Variants in IMMP2L observed in about 807,000 individuals in gnomAD.
IMMP2L encodes mitochondrial inner membrane protease subunit 2.
Under a neutral mutation model 19.3 loss-of-function variants are expected in IMMP2L, and 18 were observed. The observed-to-expected ratio is 0.93, with a 90% CI of 0.64 to 1.38. IMMP2L has a LOEUF of 1.38. Ranked by LOEUF, IMMP2L falls within the 40% of genes most tolerant of loss-of-function variation. The probability of loss-of-function intolerance (pLI) is 0.00; values close to 1 mark genes in which losing one functional copy is unlikely to be tolerated. For synonymous variants in IMMP2L, 76 were observed against 73.0 expected (o/e 1.04, Z -0.21); for missense variants, 233 against 218.2 (o/e 1.07, Z -0.43).
chr7:110,867,567 A>G (rs1044483268), intron 5 of IMMP2L, among the ~76,000 whole-genome samples: 2 of 152,066 alleles, frequency 1.3e-5, no homozygotes, highest in Non-Finnish European at 2.9e-5. Context: ...AAGATGATAA[A>G]TAACATGACT....
chr7:111,295,025 C>G (rs1441852616), intron 3 of IMMP2L, among the ~76,000 whole-genome samples: 1 of 151,778 alleles, frequency 6.6e-6, no homozygotes, highest in Non-Finnish European at 1.5e-5. Context: ...CTGTTCGATA[C>G]AAGTTTTCTG....
At chr7:110,739,944 A>G (rs1796889282) in intron 5 of IMMP2L, among the ~76,000 whole-genome samples, 1 of 152,328 alleles carries the variant, frequency 6.6e-6, no homozygotes, top group African/African-American at 2.4e-5. Flanking sequence ...GAAATTAAAT[A>G]ACCTGCTCCA....
At chr7:111,072,328 G>A (rs567255435) in intron 3 of IMMP2L, among the ~76,000 whole-genome samples, 2 of 152,270 alleles carry the variant, frequency 1.3e-5, no homozygotes, top group African/African-American at 4.8e-5. Context: ...CTTAATACCA[G>A]AAAAAGTTCA....
chr7:110,824,655 A>C (rs1369216445), intron 5 of IMMP2L, among the ~76,000 whole-genome samples: 1 of 152,072 alleles, frequency 6.6e-6, no homozygotes, highest in Non-Finnish European at 1.5e-5. Flanking sequence ...GGGATGAACC[A>C]CCGCTCCCAG....
At chr7:110,918,135 G>A (rs986696263) in intron 4 of IMMP2L, among the ~76,000 whole-genome samples, 3 of 152,054 alleles carry the variant, frequency 2.0e-5, no homozygotes, top group Admixed American at 6.6e-5. Context: ...TTTCCTATTT[G>A]CTGTAGTTAT....
At position 111,436,557 on chromosome 7, in the gene IMMP2L, T is replaced by C. The variant is rs569022965; in HGVS notation, c.239+50681A>G. Among the ~76,000 whole-genome samples, 167 of 151,794 alleles carry C rather than the reference T, an allele frequency of 1.1e-3. 1 individual carries two copies. Among genetic ancestry groups the C allele is most frequent in the Middle Eastern group, 3.4e-3 (1 of 294 alleles). ...CACACACACCCCACACATATATGAA[T>C]ACTTTTTAAACATTTTTTCTCATTA... On this transcript the variant is annotated intron_variant, in intron 3 of 5. Coordinates refer to ENST00000405709, the MANE Select transcript of IMMP2L (RefSeq NM_032549.4).
chr7:110,706,767 T>G, intron 5 of IMMP2L, among the ~76,000 whole-genome samples: 1 of 152,278 alleles, frequency 6.6e-6, no homozygotes, highest in East Asian at 1.9e-4. Context: ...GTGCATAGGT[T>G]GTGAATATTT....
At chr7:111,540,909 T>A (rs1848456068) in intron 1 of IMMP2L, among the ~76,000 whole-genome samples, 2 of 152,124 alleles carry the variant, frequency 1.3e-5, no homozygotes, top group African/African-American at 4.8e-5. Flanking sequence ...AGCGGCCAGA[T>A]CAGGCTGTAT....
intron 4 of IMMP2L, among the ~76,000 whole-genome samples, chr7:110,916,182 G>A (rs1044940137): frequency 2.8e-4 from 42 of 152,178 alleles, no homozygotes; most frequent in Non-Finnish European, 5.4e-4. Context: ...GAAAGTAACA[G>A]GACACTGCAG....
chr7:110,993,033 A>C (rs1168593898), intron 3 of IMMP2L, among the ~76,000 whole-genome samples: 1 of 152,170 alleles, frequency 6.6e-6, no homozygotes, highest in Non-Finnish European at 1.5e-5. Context: ...ATCTTGTTAT[A>C]TGAAAACAAA....
chr7:110,770,665 A>C (rs1798974433), intron 5 of IMMP2L, among the ~76,000 whole-genome samples: 2 of 152,186 alleles, frequency 1.3e-5, no homozygotes, highest in Non-Finnish European at 2.9e-5. Context: ...ACAGGAAGGT[A>C]TCGAAGACTG....
intron 3 of IMMP2L, among the ~76,000 whole-genome samples, chr7:111,281,399 T>A (rs753920664): frequency 3.9e-5 from 6 of 152,056 alleles, no homozygotes; most frequent in Non-Finnish European, 8.8e-5. Context: ...ATACATAGGA[T>A]ACAGAGACTA....
At chr7:111,229,433 A>C (rs1017761006) in intron 3 of IMMP2L, among the ~76,000 whole-genome samples, 2 of 152,064 alleles carry the variant, frequency 1.3e-5, no homozygotes, top group Non-Finnish European at 2.9e-5. Flanking sequence ...TCAGGTGATC[A>C]AGGTAATTGC....
chr7:110,954,555 T>C (rs67759016), intron 4 of IMMP2L, among the ~76,000 whole-genome samples: 75,983 of 151,834 alleles, frequency 0.5, 19,823 homozygotes, highest in Non-Finnish European at 0.58. Flanking sequence ...CCAAATTATA[T>C]CCATTATTTC....
intron 3 of IMMP2L, among the ~76,000 whole-genome samples, chr7:111,208,322 C>T (rs551499054): frequency 5.3e-4 from 81 of 152,218 alleles, no homozygotes; most frequent in African/African-American, 1.7e-3. Context: ...GAAAAGGGAA[C>T]GGTGAAAGCA....
intron 3 of IMMP2L, among the ~76,000 whole-genome samples, chr7:111,286,442 CCACTCAGTAA>C (rs2130768880): frequency 6.6e-6 from 1 of 152,178 alleles, no homozygotes; most frequent in African/African-American, 2.4e-5. Context: ...CACCACACTA[CCACTCAGTAA>C]AAGCAATTCT....
intron 5 of IMMP2L, among the ~76,000 whole-genome samples, chr7:110,700,895 A>G (rs1794240009): frequency 2.0e-5 from 3 of 152,160 alleles, no homozygotes; most frequent in African/African-American, 4.8e-5. Context: ...TATGTGTTCA[A>G]TTTTGGGGAA....
At chr7:111,155,133 C>A (rs568416333) in intron 3 of IMMP2L, among the ~76,000 whole-genome samples, 1 of 152,150 alleles carries the variant, frequency 6.6e-6, no homozygotes, top group South Asian at 2.1e-4. Context: ...TTGCCTTCTT[C>A]CCTAGGATCA....
intron 5 of IMMP2L, among the ~76,000 whole-genome samples, chr7:110,721,012 T>C (rs1230557937): frequency 6.6e-6 from 1 of 151,130 alleles, no homozygotes; most frequent in African/African-American, 2.4e-5. Context: ...GCATCAAGAT[T>C]AATATTCAAT....
Sources: gnomAD v4.1 joint callset for allele counts (sites outside exome capture counted in the v4.1 genomes callset) on GRCh38, gnomAD v4.1.1 for gene constraint, MANE v1.5 for transcripts, NCBI Gene and HGNC (gene_info 2026-07-23, HGNC 2026-07-21) for gene names.